Variants in TTC23 observed in about 807,000 individuals in gnomAD.
TTC23 encodes the protein tetratricopeptide repeat domain 23, also known as tetratricopeptide repeat protein 23.
A neutral mutation model predicts 55.1 loss-of-function variants in TTC23; 58 were observed. The observed-to-expected ratio is 1.05, with a 90% confidence interval of 0.85 to 1.31. The LOEUF is 1.31. TTC23 is among the 50% of genes most tolerant of loss of function. The pLI is 0.00. For synonymous variants in TTC23, 203 were observed against 199.9 expected (o/e 1.02, Z -0.13); for missense variants, 516 against 534.4 (o/e 0.97, Z 0.34).
At chr15:99,212,346 G>A (rs1002258888) in intron 8 of TTC23, among the ~76,000 whole-genome samples, 5 of 151,926 alleles carry the variant, frequency 3.3e-5, no homozygotes, top group Admixed American at 6.5e-5. Context: ...ATTTCTCTCT[G>A]GGCATCTATC....
intron 9 of TTC23, among the ~76,000 whole-genome samples, chr15:99,182,885 G>T (rs1196145690): frequency 6.6e-6 from 1 of 151,078 alleles, no homozygotes; most frequent in East Asian, 1.9e-4. Flanking sequence ...GTCATTCTTA[G>T]AAAATTTTTA....
At chr15:99,139,542 A>G in intron 12 of TTC23, 143 bp from the exon 13 acceptor site, 1 of 1,548,470 alleles carries the variant, frequency 6.5e-7, no homozygotes. Flanking sequence ...GATGTCTCCT[A>G]GTGACTGACC....
At chr15:99,232,509 T>C (rs1252573811) in intron 4 of TTC23, among the ~76,000 whole-genome samples, 3 of 150,666 alleles carry the variant, frequency 2.0e-5, no homozygotes, top group Admixed American at 6.6e-5. Context: ...AAGGGCCTGA[T>C]AGATATTCCT....
chr15:99,192,644 TCCTC>T (rs1416771600), intron 9 of TTC23, among the ~76,000 whole-genome samples: 4 of 152,100 alleles, frequency 2.6e-5, no homozygotes, highest in Non-Finnish European at 5.9e-5. Flanking sequence ...AGGGGTGGGG[TCCTC>T]ATGAAGAACT....
chr15:99,201,270 C>T (rs2076176556), intron 8 of TTC23, among the ~76,000 whole-genome samples: 2 of 152,166 alleles, frequency 1.3e-5, no homozygotes, highest in Non-Finnish European at 2.9e-5. Context: ...TGTATCCTTA[C>T]ATATTTTTCA....
chr15:99,193,896 C>A (rs2075463799), intron 9 of TTC23, among the ~76,000 whole-genome samples: 1 of 151,892 alleles, frequency 6.6e-6, no homozygotes, highest in African/African-American at 2.4e-5. Context: ...GTAATCCCAG[C>A]TACTCGGGAG....
chr15:99,197,213 C>T (rs1164691551), intron 9 of TTC23, among the ~76,000 whole-genome samples: 1 of 152,146 alleles, frequency 6.6e-6, no homozygotes, highest in African/African-American at 2.4e-5. Context: ...CGCCATTCTC[C>T]TGCCTCAGCC....
At chr15:99,146,762 A>G (rs892664469) in intron 12 of TTC23, among the ~76,000 whole-genome samples, 8 of 151,872 alleles carry the variant, frequency 5.3e-5, no homozygotes, top group African/African-American at 1.5e-4. Flanking sequence ...GATAGCAAAC[A>G]TGGAGGGGCA....
At chr15:99,196,702 A>G (rs140700074) in intron 9 of TTC23, among the ~76,000 whole-genome samples, 224 of 152,260 alleles carry the variant, frequency 1.5e-3, no homozygotes, top group Non-Finnish European at 9.3e-4. Context: ...TGCTGCAGTC[A>G]TCATCTCTGA....
At chr15:99,142,900 C>A (rs1555491181) in intron 12 of TTC23, among the ~76,000 whole-genome samples, 1 of 152,216 alleles carries the variant, frequency 6.6e-6, no homozygotes, top group African/African-American at 2.4e-5. Context: ...TTTCAGTAAT[C>A]AAGCCCTGAA....
At chr15:99,185,771 C>T (rs1054703407) in intron 9 of TTC23, among the ~76,000 whole-genome samples, 3 of 152,118 alleles carry the variant, frequency 2.0e-5, no homozygotes, top group Non-Finnish European at 2.9e-5. Flanking sequence ...CGGACCCCTG[C>T]GGCAGAGGGA....
chr15:99,148,275 C>A (rs1385377389), intron 12 of TTC23, among the ~76,000 whole-genome samples: 2 of 138,708 alleles, frequency 1.4e-5, no homozygotes, highest in African/African-American at 5.5e-5. Context: ...GCAGGGGAAT[C>A]GCTTGAACCC....
intron 10 of TTC23, among the ~76,000 whole-genome samples, chr15:99,172,165 G>A (rs557416966): frequency 3.3e-5 from 5 of 151,900 alleles, no homozygotes; most frequent in South Asian, 4.2e-4. Context: ...CTACAGGCGC[G>A]CACCACCACA....
intron 12 of TTC23, chr15:99,140,851 G>A (rs2068146152): frequency 6.6e-6 from 1 of 152,192 alleles, no homozygotes; most frequent in South Asian, 2.1e-4. Context: ...ACAGAAATGA[G>A]AAAGGTTTAA....
chr15:99,186,459 C>T lies in TTC23; in HGVS notation c.760-11304G>A, dbSNP rs2074668936. 2.0e-5 allele frequency among the ~76,000 whole-genome samples: 3 copies of T among 152,082 alleles called. No individual in the cohort carries two copies. In the South Asian group the frequency reaches 6.2e-4, roughly 31 times the overall value. ...ACAACAGCAAAAACCGCCTATCAAA[C>T]TTTATAAGTATTATAAAAATGAGTG... On this transcript the variant is annotated intron_variant, in intron 9 of 13. Coordinates refer to ENST00000394132, the MANE Select transcript of TTC23 (RefSeq NM_001288615.3).
At chr15:99,234,749 C>T (rs2079179340) in intron 4 of TTC23, among the ~76,000 whole-genome samples, 1 of 152,078 alleles carries the variant, frequency 6.6e-6, no homozygotes, top group African/African-American at 2.4e-5. Flanking sequence ...GCTTTATATT[C>T]AACATTATTA....
At chr15:99,168,471 T>C (rs776338061) in intron 10 of TTC23, among the ~76,000 whole-genome samples, 14 of 152,200 alleles carry the variant, frequency 9.2e-5, no homozygotes, top group Non-Finnish European at 1.9e-4. Context: ...TAGATGCGTT[T>C]TCCATAAGCT....
intron 10 of TTC23, among the ~76,000 whole-genome samples, chr15:99,162,970 C>G (rs1022438299): frequency 6.6e-6 from 1 of 152,016 alleles, no homozygotes; most frequent in African/African-American, 2.4e-5. Context: ...GTTGTCCCAG[C>G]TACTTGGGAG....
Position 99,200,052 on chromosome 15 carries a change from T to A in TTC23, c.626A>T (p.Tyr209Phe), listed in dbSNP as rs749026060. ...CTCAACATATTCCAAAGCTGCTTGA[T>A]AGTGGGACAAAGCTTCTTTTGACTT... is the stretch of plus-strand genomic sequence containing the variant. Reference protein sequence around the residue: ...QKKSKEALSHYQAALEYVEIS... With the variant: ...QKKSKEALSHFQAALEYVEIS... Residue 209 changes from tyrosine (Y) to phenylalanine (F), a missense_variant, in exon 9 of 14, where the codon TAT becomes TTT. Coordinates refer to ENST00000394132, the MANE Select transcript of TTC23 (RefSeq NM_001288615.3). 6.2e-7 allele frequency: 1 copy of A among 1,613,018 alleles called. No individual in the cohort carries two copies. The highest frequency in any genetic ancestry group is 8.5e-7 in the Non-Finnish European group (1 of 1,179,370).
Sources: allele counts gnomAD v4.1 joint callset (sites outside exome capture counted in the v4.1 genomes callset), GRCh38; gene constraint gnomAD v4.1.1; transcripts MANE v1.5; gene names NCBI Gene and HGNC (gene_info 2026-07-23, HGNC 2026-07-21).